STAG1: variants seen among roughly 807,000 people sequenced by gnomAD.
The protein encoded by STAG1 is cohesin subunit SA-1.
In STAG1, 26 loss-of-function variants were observed where a neutral mutation model predicts 170.9. The observed-to-expected ratio is 0.15, with a 90% CI of 0.11 to 0.21. STAG1 has a LOEUF of 0.21. Among genes scored for constraint, STAG1 ranks in the 10% least tolerant of loss-of-function variants. STAG1 has a pLI of 1.00. For missense variants in STAG1, 964 were observed against 1,509.5 expected, an observed-to-expected ratio of 0.64 and a Z score of 5.99; for synonymous variants, 514 against 497.7, an observed-to-expected ratio of 1.03 and a Z score of -0.44.
chr3:136,634,610 A>AG (rs1437311984), intron 1 of STAG1, among the ~76,000 whole-genome samples: 1 of 141,410 alleles, frequency 7.1e-6, no homozygotes, highest in South Asian at 2.3e-4. Context: ...TCAAGCTTTT[A>AG]GGGAAAAAAA....
intron 22 of STAG1, among the ~76,000 whole-genome samples, chr3:136,396,566 C>T (rs1406307851): frequency 6.7e-5 from 7 of 104,218 alleles, no homozygotes; most frequent in South Asian, 6.4e-4. Flanking sequence ...CTCGCTCTAT[C>T]GCCCAGGCTG....
chr3:136,541,698 T>G (rs1471909284), intron 6 of STAG1, among the ~76,000 whole-genome samples: 1 of 152,156 alleles, frequency 6.6e-6, no homozygotes, highest in Non-Finnish European at 1.5e-5. Flanking sequence ...TAACATAATG[T>G]GATTTTATAA....
At chr3:136,422,360 G>T (rs761785654) in intron 19 of STAG1, 50 bp downstream of exon 19, 1 of 1,521,806 alleles carries the variant, frequency 6.6e-7, no homozygotes, top group Non-Finnish European at 9.1e-7. Flanking sequence ...GCTATCTTAA[G>T]TAATTCTCAG....
At chr3:136,694,149 G>A (rs1942809171) in intron 1 of STAG1, among the ~76,000 whole-genome samples, 1 of 152,078 alleles carries the variant, frequency 6.6e-6, no homozygotes, top group African/African-American at 2.4e-5. Context: ...TCCAATCAAT[G>A]GCTTTAGGAA....
At position 136,463,941 on chromosome 3, in the gene STAG1, T is replaced by C. The variant is rs559191684; in HGVS notation, c.1313+940A>G. Reference sequence around the variant, plus strand: ...ATATATTTTAAAATGATTTAAAGAATGAGTTAATCTACTAATCAATTATAG... The same window carrying C: ...ATATATTTTAAAATGATTTAAAGAACGAGTTAATCTACTAATCAATTATAG... On this transcript the variant is annotated intron_variant, in intron 13 of 33. Coordinates refer to ENST00000383202, the MANE Select transcript of STAG1 (RefSeq NM_005862.3). Among the ~76,000 whole-genome samples, 12 of 148,922 alleles carry C rather than the reference T, an allele frequency of 8.1e-5. 1 individual carries two copies. The South Asian group carries it at 2.3e-3, about 29-fold the overall frequency.
At chr3:136,342,145 G>A (rs906150293) in intron 30 of STAG1, among the ~76,000 whole-genome samples, 6 of 151,364 alleles carry the variant, frequency 4.0e-5, no homozygotes, top group South Asian at 4.2e-4. Flanking sequence ...TCAGCCTCCC[G>A]AGTAGCTGGG....
At chr3:136,478,945 T>C (rs945571589) in intron 9 of STAG1, among the ~76,000 whole-genome samples, 2 of 152,066 alleles carry the variant, frequency 1.3e-5, no homozygotes, top group African/African-American at 2.4e-5. Context: ...GTGGTAATAA[T>C]ACCACCTAGC....
chr3:136,612,245 C>T (rs566585161), intron 3 of STAG1, among the ~76,000 whole-genome samples: 5 of 152,202 alleles, frequency 3.3e-5, no homozygotes, highest in East Asian at 1.9e-4. Context: ...GTTGCTCAAC[C>T]GTAACTGGAG....
chr3:136,525,221 G>A (rs1046752526), intron 6 of STAG1, among the ~76,000 whole-genome samples: 7 of 152,124 alleles, frequency 4.6e-5, no homozygotes, highest in African/African-American at 1.4e-4. Flanking sequence ...AATCCATCTC[G>A]TCCTGGACTT....
chr3:136,672,621 T>C (rs1942010792), intron 1 of STAG1, among the ~76,000 whole-genome samples: 1 of 152,126 alleles, frequency 6.6e-6, no homozygotes, highest in South Asian at 2.1e-4. Flanking sequence ...AAGCTTGTCA[T>C]CACAGTGTAA....
intron 22 of STAG1, among the ~76,000 whole-genome samples, chr3:136,390,741 A>G (rs972987022): frequency 5.9e-5 from 9 of 152,150 alleles, no homozygotes; most frequent in African/African-American, 1.9e-4. Flanking sequence ...GCAGATAGGG[A>G]GTTGCTATCT....
intron 7 of STAG1, chr3:136,518,506 G>T: frequency 1.6e-6 from 1 of 641,848 alleles, no homozygotes; most frequent in Non-Finnish European, 2.8e-6. Flanking sequence ...AGAACAAAAT[G>T]TCCTTGAAAA....
intron 23 of STAG1, among the ~76,000 whole-genome samples, chr3:136,370,966 T>C (rs1267157647): frequency 1.2e-4 from 18 of 152,288 alleles, no homozygotes; most frequent in South Asian, 4.1e-4. Flanking sequence ...AACTAGTTTA[T>C]AGTCCCACCA....
At chr3:136,407,276 C>T (rs1036860544) in intron 21 of STAG1, among the ~76,000 whole-genome samples, 4 of 152,120 alleles carry the variant, frequency 2.6e-5, no homozygotes, top group Non-Finnish European at 5.9e-5. Context: ...TCACCTGCCT[C>T]GGCCTCCCAA....
Position 136,736,350 on chromosome 3 carries a change from A to G in STAG1, c.-84+15845T>C, listed in dbSNP as rs1576830716. ...TTCAATGCACAAAAGAATTACTCTGATCGATATTAAATTGTATTGAAAAAA... is the reference window on the plus strand; with the variant it reads ...TTCAATGCACAAAAGAATTACTCTGGTCGATATTAAATTGTATTGAAAAAA... On this transcript the variant is annotated intron_variant, in intron 1 of 33. Coordinates refer to ENST00000383202, the MANE Select transcript of STAG1 (RefSeq NM_005862.3). 5 of 686,994 alleles carry G rather than the reference A, an allele frequency of 7.3e-6. No individual in the cohort carries two copies. In the East Asian group the frequency reaches 1.2e-4, roughly 17 times the overall value. 42.6% of individuals were successfully genotyped at this position (686,994 alleles called of 1,614,324 possible). A position where few individuals can be genotyped will look rare whatever the true frequency, so the allele number is the denominator to read the frequency against.
chr3:136,552,303 C>G (rs1327978445), intron 5 of STAG1, among the ~76,000 whole-genome samples: 4 of 152,044 alleles, frequency 2.6e-5, no homozygotes, highest in African/African-American at 9.7e-5. Flanking sequence ...AAAATTTCAG[C>G]ATTAGAAGTT....
At chr3:136,744,852 T>A (rs1225814155) in intron 1 of STAG1, among the ~76,000 whole-genome samples, 2 of 152,042 alleles carry the variant, frequency 1.3e-5, no homozygotes, top group Non-Finnish European at 2.9e-5. Flanking sequence ...ATTTTTGTAT[T>A]TTTAGTAGAG....
intron 1 of STAG1, among the ~76,000 whole-genome samples, chr3:136,639,067 T>TCACA (rs370462341): frequency 2.5e-4 from 37 of 149,960 alleles, no homozygotes; most frequent in African/African-American, 7.8e-4. Flanking sequence ...GAGAGAATGC[T>TCACA]CACACACACA....
intron 22 of STAG1, among the ~76,000 whole-genome samples, chr3:136,378,799 T>C (rs1246435073): frequency 2.0e-5 from 3 of 152,206 alleles, no homozygotes; most frequent in Non-Finnish European, 4.4e-5. Flanking sequence ...ACTAGGACTA[T>C]CTGATATAAG....
Sources: allele counts gnomAD v4.1 joint callset (sites outside exome capture counted in the v4.1 genomes callset), GRCh38; gene constraint gnomAD v4.1.1; transcripts MANE v1.5; gene names NCBI Gene and HGNC (gene_info 2026-07-23, HGNC 2026-07-21).